Variants in BLM observed in about 807,000 individuals in gnomAD.
BLM encodes the protein recQ-like DNA helicase BLM.
A neutral mutation model predicts 135.3 loss-of-function variants in BLM; 95 were observed. The observed-to-expected ratio is 0.70, with a 90% confidence interval of 0.59 to 0.83. The LOEUF is 0.83. BLM is among the 40% of genes least tolerant of loss of function. The probability of loss-of-function intolerance (pLI) is 0.00; values close to 1 mark genes in which losing one functional copy is unlikely to be tolerated. For missense variants in BLM, 1,518 were observed against 1,663.9 expected, an observed-to-expected ratio of 0.91 and a Z score of 1.53; for synonymous variants, 520 against 589.2, an observed-to-expected ratio of 0.88 and a Z score of 1.70.
intron 12 of BLM, among the ~76,000 whole-genome samples, chr15:90,773,318 G>A (rs1896377870): frequency 6.6e-6 from 1 of 151,810 alleles, no homozygotes; most frequent in Non-Finnish European, 1.5e-5. Context: ...TACTTGAAAG[G>A]CTGAGACAGG....
Position 90,727,631 on chromosome 15 carries a change from T to G in BLM, c.-5+10191T>G, listed in dbSNP as rs1894952992. 2.0e-5 allele frequency among the ~76,000 whole-genome samples: 3 copies of G among 152,118 alleles called. No homozygotes were observed. In the South Asian group the frequency reaches 6.2e-4, roughly 32 times the overall value. On this transcript the variant is annotated intron_variant, in intron 1 of 21. Coordinates refer to ENST00000355112, the MANE Select transcript of BLM (RefSeq NM_000057.4). Reference sequence around the variant, plus strand: ...CTAGATTCAGAGTCTCTAACCAGCTTCTTTTGGGCAGAAACATTGCACACA... The same window carrying G: ...CTAGATTCAGAGTCTCTAACCAGCTGCTTTTGGGCAGAAACATTGCACACA...
In BLM at chr15:90,785,334, T is replaced by G. The variant is rs768062279; in HGVS notation, c.2823+253T>G. Among the ~76,000 whole-genome samples, 10 of 152,280 alleles carry G rather than the reference T, an allele frequency of 6.6e-5. No individual in the cohort carries two copies. The East Asian group carries it at 7.7e-4, about 12-fold the overall frequency. The stretch of plus-strand genomic sequence containing the variant: ...GCAAACAAGTTAGTACTTTTTAGTT[T>G]ATTTGCAAAGTTGTACAATAATCAT... On this transcript the variant is annotated intron_variant, in intron 14 of 21. Transcript: ENST00000355112.
chr15:90,773,804 A>C (rs1896395093), intron 12 of BLM, among the ~76,000 whole-genome samples: 1 of 152,126 alleles, frequency 6.6e-6, no homozygotes, highest in Non-Finnish European at 1.5e-5. Flanking sequence ...GCCTGTTTTC[A>C]GTATTTCATT....
chr15:90,773,239 T>G (rs150069173), intron 12 of BLM, among the ~76,000 whole-genome samples: 76 of 151,714 alleles, frequency 5.0e-4, no homozygotes, highest in African/African-American at 1.6e-3. Flanking sequence ...GGCCAACATG[T>G]TGAAACCCCA....
chr15:90,755,730 A>G (rs1374296954), intron 5 of BLM, among the ~76,000 whole-genome samples: 1 of 150,652 alleles, frequency 6.6e-6, no homozygotes, highest in Non-Finnish European at 1.5e-5. Context: ...TATCTTTTCT[A>G]TTTTTCATCT....
chr15:90,759,413 T>TA (rs879724551), intron 5 of BLM, among the ~76,000 whole-genome samples: 119 of 135,918 alleles, frequency 8.8e-4, no homozygotes, highest in African/African-American at 8.1e-4. Flanking sequence ...AATAATTAAT[T>TA]AAAAAAAAAA....
chr15:90,754,975 C>A (rs1567038100), intron 5 of BLM, 37 bp downstream of exon 5: 1 of 1,610,610 alleles, frequency 6.2e-7, no homozygotes, highest in Non-Finnish European at 8.5e-7. Context: ...TGTATTTCAA[C>A]TACTTACTTT....
chr15:90,729,505 G>C (rs1423438366), intron 1 of BLM, among the ~76,000 whole-genome samples: 2 of 152,050 alleles, frequency 1.3e-5, no homozygotes, highest in Non-Finnish European at 2.9e-5. Flanking sequence ...CGTATTCCTT[G>C]ACTCTTGGCT....
chr15:90,743,578 T>C (rs1427161628), intron 1 of BLM, among the ~76,000 whole-genome samples: 2 of 152,028 alleles, frequency 1.3e-5, no homozygotes, highest in Non-Finnish European at 2.9e-5. Context: ...GCCCAGGCTA[T>C]AGTGCAGTGG....
chr15:90,721,813 C>G (rs1194321658), intron 1 of BLM, among the ~76,000 whole-genome samples: 1 of 151,796 alleles, frequency 6.6e-6, no homozygotes, highest in Non-Finnish European at 1.5e-5. Context: ...TGCCTGTAAT[C>G]CCAGCTACTT....
chr15:90,785,136 C>G, intron 14 of BLM, 55 bp downstream of exon 14: 1 of 1,530,208 alleles, frequency 6.5e-7, no homozygotes, highest in African/African-American at 1.4e-5. Context: ...AGCATATAAC[C>G]AAACATGCAC....
intron 1 of BLM, among the ~76,000 whole-genome samples, chr15:90,727,549 G>A (rs1387494334): frequency 6.6e-6 from 1 of 151,888 alleles, no homozygotes; most frequent in Non-Finnish European, 1.5e-5. Context: ...TTCCTTCTGA[G>A]AGTCTGAAAT....
chr15:90,781,097 G>A (rs1400584973), intron 12 of BLM, among the ~76,000 whole-genome samples: 15 of 152,214 alleles, frequency 9.9e-5, no homozygotes, highest in Admixed American at 9.8e-4. Flanking sequence ...GAGGAAGTGG[G>A]CGGGAGGAAA....
intron 1 of BLM, among the ~76,000 whole-genome samples, chr15:90,717,933 G>A (rs980373883): frequency 1.3e-5 from 2 of 152,268 alleles, no homozygotes; most frequent in African/African-American, 4.8e-5. Context: ...GTAGCTTTAC[G>A]ATATCCCAGC....
chr15:90,736,387 G>A (rs1567029211), intron 1 of BLM, among the ~76,000 whole-genome samples: 2 of 151,964 alleles, frequency 1.3e-5, no homozygotes, highest in African/African-American at 2.4e-5. Flanking sequence ...GGCCTCTGGA[G>A]TAGCTGGGAC....
At chr15:90,778,832 G>C (rs899626409) in intron 12 of BLM, among the ~76,000 whole-genome samples, 3 of 151,028 alleles carry the variant, frequency 2.0e-5, no homozygotes, top group Admixed American at 2.0e-4. Flanking sequence ...TTTCTCTTAG[G>C]TATATGCCCA....
At chr15:90,725,919 T>G (rs1180662219) in intron 1 of BLM, among the ~76,000 whole-genome samples, 1 of 152,080 alleles carries the variant, frequency 6.6e-6, no homozygotes, top group African/African-American at 2.4e-5. Context: ...ACATACACAT[T>G]TACATAGGTG....
At chr15:90,724,388 A>G (rs960094451) in intron 1 of BLM, among the ~76,000 whole-genome samples, 3 of 151,638 alleles carry the variant, frequency 2.0e-5, no homozygotes, top group South Asian at 2.1e-4. Flanking sequence ...TTTCCTCTCT[A>G]CTCTGTACCC....
chr15:90,800,704 C>T (rs761902442), intron 17 of BLM, among the ~76,000 whole-genome samples: 27 of 148,406 alleles, frequency 1.8e-4, no homozygotes, highest in South Asian at 1.3e-3. Context: ...GGAACAGGGC[C>T]CACCCAACGT....
Sources: gnomAD v4.1 joint callset for allele counts (sites outside exome capture counted in the v4.1 genomes callset) on GRCh38, gnomAD v4.1.1 for gene constraint, MANE v1.5 for transcripts, NCBI Gene and HGNC (gene_info 2026-07-23, HGNC 2026-07-21) for gene names.